The following LRRC19 variants were observed in gnomAD, a reference collection of about 807,000 sequenced individuals.
LRRC19 encodes leucine-rich repeat-containing protein 19.
A neutral mutation model predicts 33.3 loss-of-function variants in LRRC19; 33 were observed. The observed-to-expected ratio is 0.99, with a 90% CI of 0.75 to 1.33. The LOEUF (loss-of-function observed/expected upper bound fraction) is 1.33. Ranked by LOEUF, LRRC19 falls within the 40% of genes most tolerant of loss-of-function variation. The pLI is 0.00. For synonymous variants in LRRC19, 184 were observed against 152.3 expected (o/e 1.21, Z -1.53); for missense variants, 463 against 417.3 (o/e 1.11, Z -0.95).
At chr9:27,000,745 C>T (rs188403626) in intron 1 of LRRC19, among the ~76,000 whole-genome samples, 2 of 152,214 alleles carry the variant, frequency 1.3e-5, no homozygotes, top group Admixed American at 6.5e-5. Context: ...ACCTAGGTGA[C>T]GGGTTGATCT....
At chr9:26,998,595 T>C (rs574241125) in intron 2 of LRRC19, among the ~76,000 whole-genome samples, 1 of 152,320 alleles carries the variant, frequency 6.6e-6, no homozygotes, top group South Asian at 2.1e-4. Flanking sequence ...AATATTCCAG[T>C]GTGCACAATT....
intron 1 of LRRC19, 144 bp from the exon 2 acceptor site, chr9:26,999,847 C>T (rs898312747): frequency 3.1e-5 from 17 of 547,556 alleles, no homozygotes; most frequent in Non-Finnish European, 4.6e-5. Context: ...TCACAGCTCA[C>T]TGCAGCCTTG....
In LRRC19 at chr9:26,995,846, T is replaced by C. The variant is rs1379546866; in HGVS notation, c.788A>G (p.His263Arg). Residue 263 changes from histidine (H) to arginine (R), a missense_variant, in exon 5 of 5, where the codon CAT (histidine) becomes CGT (arginine). Coordinates refer to ENST00000380055, the MANE Select transcript of LRRC19 (RefSeq NM_022901.3). ...SSNNLTRNSE[H>R]EPLGKSWAFL... ...AGCCCAACTTTTTCCAAGAGGTTCA[T>C]GTTCTTTAATGGAATACCAAGAGAG... 3.1e-6 allele frequency: 5 copies of C among 1,598,360 alleles called. No homozygotes were observed. Among genetic ancestry groups the C allele is most frequent in the Non-Finnish European group, 4.3e-6 (5 of 1,172,868 alleles).
intron 3 of LRRC19, among the ~76,000 whole-genome samples, chr9:26,996,981 C>T (rs1406739799): frequency 2.0e-5 from 3 of 151,982 alleles, no homozygotes; most frequent in African/African-American, 4.8e-5. Flanking sequence ...GAGGCCGAGG[C>T]GGGTGGATCA....
chr9:27,001,287 A>C (rs1399896666), intron 1 of LRRC19, among the ~76,000 whole-genome samples: 1 of 151,970 alleles, frequency 6.6e-6, no homozygotes, highest in East Asian at 1.9e-4. Context: ...CTATCTCTTT[A>C]ATATATTCAT....
intron 1 of LRRC19, among the ~76,000 whole-genome samples, chr9:27,002,257 G>C (rs1828538811): frequency 6.6e-6 from 1 of 152,146 alleles, no homozygotes; most frequent in Non-Finnish European, 1.5e-5. Flanking sequence ...TCAGCCTCCT[G>C]AGTAGCTGGG....
chr9:26,998,620 A>G (rs959475328), intron 2 of LRRC19, among the ~76,000 whole-genome samples: 4 of 152,192 alleles, frequency 2.6e-5, no homozygotes, highest in Non-Finnish European at 2.9e-5. Context: ...TATAGTGAGG[A>G]AATTATTTTA....
intron 1 of LRRC19, among the ~76,000 whole-genome samples, chr9:27,003,544 A>G (rs909283713): frequency 6.6e-6 from 1 of 152,076 alleles, no homozygotes; most frequent in African/African-American, 2.4e-5. Flanking sequence ...AGAAAAACTA[A>G]TCAGAGTAGG....
intron 1 of LRRC19, among the ~76,000 whole-genome samples, chr9:27,002,184 T>C (rs1467779262): frequency 6.6e-6 from 1 of 152,130 alleles, no homozygotes; most frequent in East Asian, 1.9e-4. Flanking sequence ...CAGGCTGGAG[T>C]GCAGTGATGC....
At position 26,995,552 on chromosome 9, in the gene LRRC19, A is replaced by C; in HGVS notation, c.1082T>G (p.Ile361Arg). Residue 361 changes from isoleucine to arginine, a missense_variant, in exon 5 of 5, where the codon ATA becomes AGA. By Grantham distance (97) the Ile-to-Arg change is moderately conservative. Coordinates refer to ENST00000380055, the MANE Select transcript of LRRC19 (RefSeq NM_022901.3). ...TTCTTCACATAATTCATGGATATCTATATATTTGTCTTCAATAAATCCATC... is the reference window on the plus strand; with the variant it reads ...TTCTTCACATAATTCATGGATATCTCTATATTTGTCTTCAATAAATCCATC... ...DDDGFIEDKY[I>R]DIHELCEEN 6.3e-7 allele frequency: 1 copy of C among 1,591,382 alleles called. No homozygotes were observed. Among genetic ancestry groups the C allele is most frequent in the Non-Finnish European group, 8.6e-7 (1 of 1,163,550 alleles).
In LRRC19 at chr9:27,002,167, T is replaced by C. The variant is rs184049401; in HGVS notation, c.-9-2464A>G. On this transcript the variant is annotated intron_variant, in intron 1 of 4. Coordinates refer to ENST00000380055, the MANE Select transcript of LRRC19 (RefSeq NM_022901.3). Reference sequence around the variant, plus strand: ...TTTCTTTTGAGACAGAGTCTGGCTCTGTTGCCCAGGCTGGAGTGCAGTGAT... The same window carrying C: ...TTTCTTTTGAGACAGAGTCTGGCTCCGTTGCCCAGGCTGGAGTGCAGTGAT... 1.1e-4 allele frequency among the ~76,000 whole-genome samples: 17 copies of C among 152,336 alleles called. No homozygotes were observed. The East Asian group carries it at 3.3e-3, about 29-fold the overall frequency.
Position 26,997,890 on chromosome 9 carries a change from T to G in LRRC19, c.433A>C (p.Arg145=). The G allele has an allele frequency of 6.2e-7, 1 of 1,614,194 alleles. No individual in the cohort carries two copies. Among genetic ancestry groups the G allele is most frequent in the Non-Finnish European group, 8.5e-7 (1 of 1,180,020 alleles). ...TGCAGATTCAGAAGTTTTAGGCTTC[T>G]TAGAGGCACAAATACATCAGCATTC... is the stretch of plus-strand genomic sequence containing the variant. ...QLNADVFVPL[R]SLKLLNLQGN... Residue 145 remains arginine, a synonymous_variant, in exon 3 of 5, where the codon AGA becomes CGA. Transcript: ENST00000380055.
intron 1 of LRRC19, among the ~76,000 whole-genome samples, chr9:27,003,331 T>G (rs1213424326): frequency 2.6e-5 from 4 of 152,160 alleles, no homozygotes; most frequent in Non-Finnish European, 5.9e-5. Context: ...GAGACCAGCC[T>G]GGCCAACATG....
At chr9:26,998,375 G>A (rs1828287248) in intron 2 of LRRC19, 134 bp from the exon 3 acceptor site, 1 of 518,422 alleles carries the variant, frequency 1.9e-6, no homozygotes, top group South Asian at 4.0e-5. Flanking sequence ...ATATTTTGGT[G>A]TTACAGTAGA....
At chr9:27,002,394 C>T (rs1275728836) in intron 1 of LRRC19, among the ~76,000 whole-genome samples, 1 of 152,202 alleles carries the variant, frequency 6.6e-6, no homozygotes. Context: ...AGAGTCAGCC[C>T]TCCAGTGTTT....
In LRRC19 at chr9:26,997,770, A is replaced by G. The variant is rs374714880; in HGVS notation, c.553T>C (p.Phe185Leu). The G allele has an allele frequency of 1.8e-4, 285 of 1,611,394 alleles. No individual in the cohort carries two copies. The highest frequency in any genetic ancestry group is 8.3e-4 in the Middle Eastern group (5 of 6,016). The change falls in exon 3 of 5, where the codon TTT becomes CTT. Residue 185 changes from phenylalanine (F) to leucine (L), a missense_variant. Phe to Leu is a conservative substitution (Grantham distance 22, BLOSUM62 0). Transcript: ENST00000380055. ...GTGTTCAACCAGTTCTGCAAATTAA[A>G]TAGACTGCAAGAGCAGTTCCATAGG... is the stretch of plus-strand genomic sequence containing the variant. ...GNLWNCSCSL[F>L]NLQNWLNTSN...
intron 1 of LRRC19, among the ~76,000 whole-genome samples, chr9:27,002,377 C>T (rs756655091): frequency 1.3e-5 from 2 of 152,142 alleles, no homozygotes; most frequent in African/African-American, 4.8e-5. Context: ...GGGCTGAGTC[C>T]GAAAAGAGAG....
rs913421979 is a variant in LRRC19 at position 26,993,667 on chromosome 9, A to G, written c.*1854T>C. The G allele has an allele frequency of 1.3e-5, 2 of 152,186 alleles. No homozygotes were observed. The highest frequency in any genetic ancestry group is 4.8e-5 in the African/African-American group (2 of 41,420). The allele number at this position is 152,186 out of a possible 1,614,324, so 9.4% of individuals were successfully genotyped here. A position where few individuals can be genotyped will look rare whatever the true frequency, so the allele number is the denominator to read the frequency against. On this transcript the variant is annotated 3_prime_UTR_variant, in exon 5 of 5. Transcript: ENST00000380055. Reference sequence around the variant, plus strand: ...ACATACAAATTTTTAAAACTTTATTATATACATAAACAATTTGAACATACA... The same window carrying G: ...ACATACAAATTTTTAAAACTTTATTGTATACATAAACAATTTGAACATACA...
chr9:27,000,977 C>T (rs1828453282), intron 1 of LRRC19, among the ~76,000 whole-genome samples: 2 of 152,108 alleles, frequency 1.3e-5, no homozygotes, highest in Admixed American at 6.5e-5. Context: ...CCTTTCCAGC[C>T]TCTGGTAACC....
Sources: allele counts gnomAD v4.1 joint callset (sites outside exome capture counted in the v4.1 genomes callset), GRCh38; gene constraint gnomAD v4.1.1; transcripts MANE v1.5; gene names NCBI Gene and HGNC (gene_info 2026-07-23, HGNC 2026-07-21).